The following NRXN3 variants were observed in gnomAD, a reference collection of about 807,000 sequenced individuals.
The protein encoded by NRXN3 is neurexin 3.
Under a neutral mutation model 137.6 loss-of-function variants are expected in NRXN3, and 32 were observed. The observed-to-expected ratio is 0.23, with a 90% confidence interval of 0.18 to 0.31. NRXN3 has a LOEUF of 0.31. Among genes scored for constraint, NRXN3 ranks in the 10% least tolerant of loss-of-function variants. NRXN3 has a pLI of 1.00. For synonymous variants in NRXN3, 798 were observed against 784.5 expected (o/e 1.02, Z -0.29); for missense variants, 1,574 against 2,062.5 (o/e 0.76, Z 4.59).
chr14:79,176,104 C>G (rs61992556), intron 15 of NRXN3, among the ~76,000 whole-genome samples: 33,466 of 152,192 alleles, frequency 0.22, 4,242 homozygotes, highest in Non-Finnish European at 0.29. Flanking sequence ...GGCTTTGTGC[C>G]TATTAATACT....
chr14:79,760,359 A>C (rs1383784015), intron 19 of NRXN3, among the ~76,000 whole-genome samples: 1 of 151,504 alleles, frequency 6.6e-6, no homozygotes, highest in Non-Finnish European at 1.5e-5. Context: ...CCTGAGATTT[A>C]AAAATATAAT....
chr14:79,619,911 G>C (rs952568470), intron 16 of NRXN3, among the ~76,000 whole-genome samples: 4 of 152,030 alleles, frequency 2.6e-5, no homozygotes, highest in Non-Finnish European at 2.9e-5. Context: ...CAGAAACGAG[G>C]CTCCTTAGTT....
At chr14:79,527,120 C>A (rs2097127428) in intron 16 of NRXN3, among the ~76,000 whole-genome samples, 1 of 151,682 alleles carries the variant, frequency 6.6e-6, no homozygotes, top group African/African-American at 2.4e-5. Flanking sequence ...ATGGTGAAAC[C>A]CCGTCTCTAC....
At chr14:79,107,890 C>T (rs1596028842) in intron 15 of NRXN3, among the ~76,000 whole-genome samples, 1 of 152,108 alleles carries the variant, frequency 6.6e-6, no homozygotes, top group African/African-American at 2.4e-5. Flanking sequence ...GATTAATCCT[C>T]ACCTAGAGCC....
chr14:78,224,197 T>TC lies in NRXN3; in HGVS notation c.-703-18194_-703-18193insC, dbSNP rs1447411044. 3.6e-4 allele frequency among the ~76,000 whole-genome samples: 54 copies of TC among 152,056 alleles called. 1 individual carries two copies. Among genetic ancestry groups the TC allele is most frequent in the Non-Finnish European group, 2.9e-4 (20 of 68,000 alleles). ...GCCCTCAACAAGACTTTTTTTTTTTTTAACTTTTAAAGTTATCTCCTTATT... is the reference window on the plus strand; with the variant it reads ...GCCCTCAACAAGACTTTTTTTTTTTTCTAACTTTTAAAGTTATCTCCTTATT... On this transcript the variant is annotated intron_variant, in intron 1 of 20. Transcript: ENST00000335750.
At chr14:78,753,250 G>C (rs2098651573) in intron 8 of NRXN3, among the ~76,000 whole-genome samples, 1 of 152,150 alleles carries the variant, frequency 6.6e-6, no homozygotes, top group Non-Finnish European at 1.5e-5. Flanking sequence ...TTAGTTACTA[G>C]GGATAGATAC....
intron 15 of NRXN3, among the ~76,000 whole-genome samples, chr14:79,415,089 C>T (rs1159785425): frequency 6.6e-6 from 1 of 152,118 alleles, no homozygotes; most frequent in African/African-American, 2.4e-5. Context: ...TGTGTTTATA[C>T]ATGCATACAT....
intron 15 of NRXN3, among the ~76,000 whole-genome samples, chr14:79,372,206 A>T (rs2094132974): frequency 6.6e-6 from 1 of 152,130 alleles, no homozygotes; most frequent in African/African-American, 2.4e-5. Context: ...TTAAGACTAA[A>T]ACACACCATA....
chr14:79,671,801 T>C (rs2098609162), intron 17 of NRXN3, among the ~76,000 whole-genome samples: 1 of 151,920 alleles, frequency 6.6e-6, no homozygotes, highest in Admixed American at 6.6e-5. Context: ...TCTAAGAAGC[T>C]GATAAGCATT....
chr14:79,778,776 C>T (rs1305594670), intron 19 of NRXN3, among the ~76,000 whole-genome samples: 2 of 152,104 alleles, frequency 1.3e-5, no homozygotes, highest in Non-Finnish European at 1.5e-5. Context: ...AGTGATATTA[C>T]TTTAGAAATG....
At chr14:79,467,115 G>C (rs1359195971) in intron 15 of NRXN3, 106 bp from the exon 16 acceptor site, 2 of 1,104,464 alleles carry the variant, frequency 1.8e-6, no homozygotes, top group African/African-American at 3.1e-5. Context: ...TCCCATGGGG[G>C]ACATTTCCTC....
chr14:78,751,137 C>T (rs996536965), intron 8 of NRXN3, among the ~76,000 whole-genome samples: 3 of 152,092 alleles, frequency 2.0e-5, no homozygotes, highest in South Asian at 2.1e-4. Context: ...TTTCCCCCCA[C>T]TATATTCTTT....
chr14:78,883,344 G>A (rs1363540156), intron 10 of NRXN3, among the ~76,000 whole-genome samples: 3 of 152,156 alleles, frequency 2.0e-5, no homozygotes, highest in Non-Finnish European at 4.4e-5. Flanking sequence ...GAGAGACTAA[G>A]TTAATTGAGA....
At chr14:78,775,309 A>C (rs2153008183) in intron 8 of NRXN3, among the ~76,000 whole-genome samples, 1 of 152,328 alleles carries the variant, frequency 6.6e-6, no homozygotes, top group African/African-American at 2.4e-5. Flanking sequence ...AGTTAGTAGG[A>C]TAAAAGCTAT....
intron 15 of NRXN3, among the ~76,000 whole-genome samples, chr14:78,990,187 A>G (rs2099515662): frequency 6.6e-6 from 1 of 152,146 alleles, no homozygotes; most frequent in Non-Finnish European, 1.5e-5. Context: ...GTTTAGGGCA[A>G]TACATTTTGA....
At position 78,860,057 on chromosome 14, in the gene NRXN3, T is replaced by G. The variant is rs137966247; in HGVS notation, c.2275+49713T>G. ...CTTTCTCTTTGACAGTTTGGCCCAA[T>G]TGGATGCTCAGGTGTAATATGCTAT... On this transcript the variant is annotated intron_variant, in intron 10 of 20. Transcript: ENST00000335750. Among the ~76,000 whole-genome samples, 577 of 152,266 alleles carry G rather than the reference T, an allele frequency of 3.8e-3. 3 individuals carry two copies. Among genetic ancestry groups the G allele is most frequent in the African/African-American group, 0.013 (554 of 41,570 alleles).
intron 8 of NRXN3, among the ~76,000 whole-genome samples, chr14:78,779,751 G>A (rs377663583): frequency 1.6e-3 from 240 of 151,972 alleles, no homozygotes; most frequent in South Asian, 0.015. Flanking sequence ...AAGAATAATC[G>A]AATAAAAGAT....
In NRXN3 at chr14:79,257,950, G is replaced by GA. The variant is rs913971672; in HGVS notation, c.3263-209261dup. 2.1e-3 allele frequency among the ~76,000 whole-genome samples: 315 copies of GA among 147,962 alleles called. 2 individuals carry two copies. Among genetic ancestry groups the GA allele is most frequent in the African/African-American group, 6.1e-3 (248 of 40,414 alleles). On this transcript the variant is annotated intron_variant, in intron 15 of 20. Transcript: ENST00000335750. ...CTACTGCTTTACCTAAAATAGACTG[G>GA]AAAAAAAAAAGTTGTGACTGTTCTC...
chr14:78,479,144 C>T (rs1417265662), intron 4 of NRXN3, among the ~76,000 whole-genome samples: 1 of 152,208 alleles, frequency 6.6e-6, no homozygotes, highest in African/African-American at 2.4e-5. Context: ...CTTGGCTACA[C>T]ATTAGAATCA....
Sources: gnomAD v4.1 joint callset for allele counts (sites outside exome capture counted in the v4.1 genomes callset) on GRCh38, gnomAD v4.1.1 for gene constraint, MANE v1.5 for transcripts, NCBI Gene and HGNC (gene_info 2026-07-23, HGNC 2026-07-21) for gene names.